Variants in MAPK6 observed in about 807,000 individuals in gnomAD.
MAPK6 encodes the protein ERK-3.
Under a neutral mutation model 59.3 loss-of-function variants are expected in MAPK6, and 19 were observed. The ratio of observed to expected loss-of-function variants is 0.32; its 90% CI spans 0.22 to 0.47. MAPK6 has a LOEUF of 0.47. MAPK6 is among the 20% of genes least tolerant of loss of function. The pLI, the probability that MAPK6 is intolerant of heterozygous loss-of-function variation, is 1.00. For synonymous variants in MAPK6, 316 were observed against 290.3 expected, an observed-to-expected ratio of 1.09 and a Z score of -0.90; for missense variants, 724 against 847.9, an observed-to-expected ratio of 0.85 and a Z score of 1.81.
At chr15:52,021,174 A>G (rs1400112332) in intron 1 of MAPK6, among the ~76,000 whole-genome samples, 2 of 152,194 alleles carry the variant, frequency 1.3e-5, no homozygotes, top group African/African-American at 4.8e-5. Context: ...TAGCACTAAA[A>G]GTGTTGCAGT....
chr15:52,043,805 C>G (rs572397185), intron 1 of MAPK6, among the ~76,000 whole-genome samples: 1 of 115,096 alleles, frequency 8.7e-6, no homozygotes, highest in East Asian at 2.9e-4. Flanking sequence ...GTCCCCCAGG[C>G]TGGAGTGCAA....
In MAPK6 at chr15:52,065,715, C is replaced by CTT. The variant is rs933538508; in HGVS notation, c.*716_*717dup. The CTT allele has an allele frequency of 1.4e-5, 2 of 146,632 alleles. No individual in the cohort carries two copies. Among genetic ancestry groups the CTT allele is most frequent in the African/African-American group, 5.1e-5 (2 of 39,290 alleles). 9.1% of individuals were successfully genotyped at this position (146,632 alleles called of 1,614,324 possible). A position where few individuals can be genotyped will look rare whatever the true frequency, so the allele number is the denominator to read the frequency against. ...TCTGTATTTAATTATAAAAAATTAACTTAGTTTTTAAAATTTATTTGCAAA... is the reference window on the plus strand; with the variant it reads ...TCTGTATTTAATTATAAAAAATTAACTTTTAGTTTTTAAAATTTATTTGCAAA... On this transcript the variant is annotated 3_prime_UTR_variant, in exon 6 of 6. Coordinates refer to ENST00000261845, the MANE Select transcript of MAPK6 (RefSeq NM_002748.4).
chr15:52,023,125 A>AAAAAAC (rs1566902303), intron 1 of MAPK6, among the ~76,000 whole-genome samples: 1 of 150,570 alleles, frequency 6.6e-6, no homozygotes, highest in Non-Finnish European at 1.5e-5. Flanking sequence ...AAAAAAAAAA[A>AAAAAAC]AAACCGAAAA....
chr15:52,045,053 CA>C (rs143919444), intron 1 of MAPK6, among the ~76,000 whole-genome samples: 8,322 of 147,824 alleles, frequency 0.056, 441 homozygotes, highest in African/African-American at 0.13. Flanking sequence ...TTTTCTTTAC[CA>C]AAAAAAAATG....
chr15:52,049,247 C>G (rs1477223751), intron 2 of MAPK6, among the ~76,000 whole-genome samples: 1 of 152,044 alleles, frequency 6.6e-6, no homozygotes, highest in East Asian at 1.9e-4. Flanking sequence ...CTCTTCCCTA[C>G]TGTTCTGACT....
At chr15:52,017,412 GA>G (rs1566900242), upstream of MAPK6, 1 of 152,116 alleles carries the variant, frequency 6.6e-6, no homozygotes, top group Non-Finnish European at 1.5e-5. Context: ...AAGGGTGGGG[GA>G]GATTACAAAG....
At chr15:51,991,148 TACACACAC>T (rs933912695) in intron 2 of MAPK6, among the ~76,000 whole-genome samples, 2,455 of 140,722 alleles carry the variant, frequency 0.017, 30 homozygotes, top group African/African-American at 0.037. Flanking sequence ...TATATATATA[TACACACAC>T]ACACACACAC....
intron 1 of MAPK6, among the ~76,000 whole-genome samples, chr15:51,980,687 T>TCC (rs2057170390): frequency 6.6e-6 from 1 of 150,704 alleles, no homozygotes; most frequent in Non-Finnish European, 1.5e-5. Flanking sequence ...ACCTCCTGGG[T>TCC]TCAAGCGACT....
intron 1 of MAPK6, among the ~76,000 whole-genome samples, chr15:52,026,964 C>T (rs553036757): frequency 2.6e-5 from 4 of 151,870 alleles, no homozygotes; most frequent in South Asian, 4.2e-4. Context: ...GCAGGAGAAT[C>T]GCTTGAACCC....
chr15:52,026,255 A>T (rs2030770224), intron 1 of MAPK6, among the ~76,000 whole-genome samples: 1 of 152,192 alleles, frequency 6.6e-6, no homozygotes, highest in African/African-American at 2.4e-5. Context: ...CCAGGTACCG[A>T]AACAGTGGTT....
In MAPK6 at chr15:52,046,448, T is replaced by G; in HGVS notation, c.-13T>G. ...TCAATTTGAAAGGAAAAGGCAATAG[T>G]AAGGGTTTCAAAATGGCAGAGAAAT... is the stretch of plus-strand genomic sequence containing the variant. On this transcript the variant is annotated 5_prime_UTR_variant, in exon 2 of 6. Coordinates refer to ENST00000261845, the MANE Select transcript of MAPK6 (RefSeq NM_002748.4). 1 of 1,578,950 alleles carries G rather than the reference T, an allele frequency of 6.3e-7. No individual in the cohort carries two copies. The highest frequency in any genetic ancestry group is 8.6e-7 in the Non-Finnish European group (1 of 1,162,200).
At chr15:52,038,696 T>G (rs2031322467) in intron 1 of MAPK6, among the ~76,000 whole-genome samples, 1 of 152,210 alleles carries the variant, frequency 6.6e-6, no homozygotes, top group African/African-American at 2.4e-5. Flanking sequence ...GCTCCAATAT[T>G]TCTTTAATGT....
chr15:52,063,424 T>C (rs905692184), intron 5 of MAPK6, among the ~76,000 whole-genome samples: 2 of 152,214 alleles, frequency 1.3e-5, no homozygotes, highest in African/African-American at 4.8e-5. Flanking sequence ...TCAATGATTA[T>C]ACATGTCAGT....
At chr15:52,054,456 T>A (rs1314470641) in intron 3 of MAPK6, among the ~76,000 whole-genome samples, 1 of 152,166 alleles carries the variant, frequency 6.6e-6, no homozygotes, top group Non-Finnish European at 1.5e-5. Flanking sequence ...GTTGAAAAGA[T>A]TCTTTCCCCA....
intron 1 of MAPK6, among the ~76,000 whole-genome samples, chr15:52,031,865 C>A (rs552073438): frequency 6.6e-6 from 1 of 152,222 alleles, no homozygotes; most frequent in East Asian, 1.9e-4. Flanking sequence ...ATTTTATTTT[C>A]ATGTTCAGTG....
intron 5 of MAPK6, among the ~76,000 whole-genome samples, chr15:52,062,272 C>T (rs112804168): frequency 0.036 from 5,429 of 151,858 alleles, 229 homozygotes; most frequent in African/African-American, 0.1. Flanking sequence ...GGTGATCTGC[C>T]TGCCTTGGCC....
At chr15:52,041,181 CTTTGTTTTTTTGTTTT>C (rs138287310) in intron 1 of MAPK6, among the ~76,000 whole-genome samples, 15 of 151,996 alleles carry the variant, frequency 9.9e-5, no homozygotes, top group African/African-American at 2.9e-4. Flanking sequence ...AAGCTTTAAA[CTTTGTTTTTTTGTTTT>C]TTTGTTTTTT....
In MAPK6 at chr15:52,046,506, C is replaced by T; in HGVS notation, c.46C>T (p.Leu16=). The part of the protein sequence containing the change: ...ESLMNIHGFD[L]GSRYMDLKPL... ...TCTCATGAACATTCATGGTTTTGAT[C>T]TGGGTTCTAGGTATATGGACTTAAA... The change falls in exon 2 of 6, where the codon CTG becomes TTG. Residue 16 remains leucine (L), a synonymous_variant. Coordinates refer to ENST00000261845, the MANE Select transcript of MAPK6 (RefSeq NM_002748.4). 6.2e-7 allele frequency: 1 copy of T among 1,612,188 alleles called. No individual in the cohort carries two copies. Among genetic ancestry groups the T allele is most frequent in the Non-Finnish European group, 8.5e-7 (1 of 1,179,378 alleles).
intron 3 of MAPK6, 61 bp from the exon 4 acceptor site, chr15:52,058,571 TG>T: frequency 7.4e-7 from 1 of 1,355,846 alleles, no homozygotes; most frequent in Non-Finnish European, 9.9e-7. Flanking sequence ...TAGTTTAGTA[TG>T]TTTATTGTGA....
Sources: allele counts gnomAD v4.1 joint callset (sites outside exome capture counted in the v4.1 genomes callset), GRCh38; gene constraint gnomAD v4.1.1; transcripts MANE v1.5; gene names NCBI Gene and HGNC (gene_info 2026-07-23, HGNC 2026-07-21).